The following ERLEC1 variants were observed in gnomAD, a reference collection of about 807,000 sequenced individuals.
The protein encoded by ERLEC1 is endoplasmic reticulum lectin 1, also known as ER lectin.
In ERLEC1, 47 loss-of-function variants were observed where a neutral mutation model predicts 68.0. The observed-to-expected ratio is 0.69, with a 90% CI of 0.55 to 0.88. The LOEUF (loss-of-function observed/expected upper bound fraction) is 0.88, where lower values mean the gene tolerates loss of function less well. Among genes scored for constraint, ERLEC1 ranks in the 40% least tolerant of loss-of-function variants. The pLI, the probability that ERLEC1 is intolerant of heterozygous loss-of-function variation, is 0.00. For missense variants in ERLEC1, 567 were observed against 583.8 expected (o/e 0.97, Z 0.30); for synonymous variants, 225 against 203.2 (o/e 1.11, Z -0.91).
chr2:53,801,278 C>T, intron 6 of ERLEC1, 119 bp from the exon 7 acceptor site: 3 of 642,612 alleles, frequency 4.7e-6, no homozygotes, highest in Non-Finnish European at 7.9e-6. Flanking sequence ...AGAAGTGTTA[C>T]CTTTCAGTTA....
chr2:53,814,692 TA>T, intron 12 of ERLEC1, 72 bp downstream of exon 12: 1 of 1,128,348 alleles, frequency 8.9e-7, no homozygotes, highest in Non-Finnish European at 1.3e-6. Context: ...AAGTTTTATG[TA>T]AACAGTATAA....
In ERLEC1 at chr2:53,802,283, T is replaced by C. The variant is rs555651819; in HGVS notation, c.879+441T>C. The stretch of plus-strand genomic sequence containing the variant: ...CTGGGCATAGCCATATATACATTTT[T>C]AATAATCTCACACTCATCATTTTTT... On this transcript the variant is annotated intron_variant, in intron 8 of 13. Coordinates refer to ENST00000185150, the MANE Select transcript of ERLEC1 (RefSeq NM_015701.5). 2.0e-5 allele frequency among the ~76,000 whole-genome samples: 3 copies of C among 152,334 alleles called. No individual in the cohort carries two copies. The South Asian group carries it at 6.2e-4, about 32-fold the overall frequency.
At chr2:53,815,434 T>A (rs1417064387) in intron 13 of ERLEC1, among the ~76,000 whole-genome samples, 1 of 152,186 alleles carries the variant, frequency 6.6e-6, no homozygotes, top group Non-Finnish European at 1.5e-5. Context: ...TGAGATATAA[T>A]TTACATGAAA....
intron 10 of ERLEC1, among the ~76,000 whole-genome samples, chr2:53,812,240 G>T (rs1281014859): frequency 6.6e-6 from 1 of 152,052 alleles, no homozygotes; most frequent in Non-Finnish European, 1.5e-5. Flanking sequence ...CTACTAACCA[G>T]ATATCTATTA....
intron 1 of ERLEC1, among the ~76,000 whole-genome samples, chr2:53,793,417 G>A (rs1296951013): frequency 6.6e-6 from 1 of 152,056 alleles, no homozygotes; most frequent in Non-Finnish European, 1.5e-5. Flanking sequence ...TATAAATAAG[G>A]TTCTATTAGT....
chr2:53,789,447 T>A (rs1675266902), intron 1 of ERLEC1, among the ~76,000 whole-genome samples: 1 of 148,464 alleles, frequency 6.7e-6, no homozygotes, highest in African/African-American at 2.5e-5. Context: ...GTGCAGTAGG[T>A]ATTTATAGGC....
At chr2:53,797,190 C>T (rs2949812) in intron 3 of ERLEC1, among the ~76,000 whole-genome samples, 1 of 151,990 alleles carries the variant, frequency 6.6e-6, no homozygotes, top group Non-Finnish European at 1.5e-5. Context: ...CCAGTACACC[C>T]GGCCGAGTAT....
chr2:53,816,559 C>T (rs1237463561), intron 13 of ERLEC1, among the ~76,000 whole-genome samples: 1 of 151,856 alleles, frequency 6.6e-6, no homozygotes, highest in East Asian at 1.9e-4. Flanking sequence ...GTGAGCCACC[C>T]GCACCCAGCC....
chr2:53,789,571 T>G (rs1474647319), intron 1 of ERLEC1, among the ~76,000 whole-genome samples: 1 of 152,202 alleles, frequency 6.6e-6, no homozygotes, highest in Non-Finnish European at 1.5e-5. Context: ...TTTTTTTCTT[T>G]AAGTCTGTGC....
rs759611947 is a variant in ERLEC1 at position 53,787,311 on chromosome 2, T to G, written c.101T>G (p.Leu34Arg). ...LLEASGGGRA[L>R]PQLSDDIPFR... is the part of the protein sequence containing the mutation. ...GAGGCGTCCGGCGGCGGCCGAGCCCTTCCTCAACTCAGCGATGACATCCCT... is the reference window on the plus strand; with the variant it reads ...GAGGCGTCCGGCGGCGGCCGAGCCCGTCCTCAACTCAGCGATGACATCCCT... Residue 34 changes from leucine (L) to arginine (R), a missense_variant, in exon 1 of 14, where the codon CTT (leucine) becomes CGT (arginine). By Grantham distance (102) the Leu-to-Arg change is moderately radical. Coordinates refer to ENST00000185150, the MANE Select transcript of ERLEC1 (RefSeq NM_015701.5). 2 of 1,611,162 alleles carry G rather than the reference T, an allele frequency of 1.2e-6. No homozygotes were observed. Among genetic ancestry groups the G allele is most frequent in the South Asian group, 1.1e-5 (1 of 91,068 alleles).
In ERLEC1 at chr2:53,794,332, CT is replaced by C; in HGVS notation, c.163-11del. 7.9e-7 allele frequency: 1 copy of C among 1,266,260 alleles called. No homozygotes were observed. Among genetic ancestry groups the C allele is most frequent in the Non-Finnish European group, 1.1e-6 (1 of 901,222 alleles). The allele number at this position is 1,266,260 out of a possible 1,614,324, so 78.4% of individuals were successfully genotyped here. A position where few individuals can be genotyped will look rare whatever the true frequency, so the allele number is the denominator to read the frequency against. ...ACGGAGAACATAATGTATGTTTTTT[CT>C]TCTATTTGCAGCCCACAACTGGAGT... On this transcript the variant is annotated splice_polypyrimidine_tract_variant and intron_variant, in intron 1 of 13. Transcript: ENST00000185150.
At chr2:53,808,804 A>C (rs1297414365) in intron 9 of ERLEC1, among the ~76,000 whole-genome samples, 3 of 152,210 alleles carry the variant, frequency 2.0e-5, no homozygotes, top group South Asian at 2.1e-4. Context: ...CCCTTTAAAA[A>C]AAAAGTTAGA....
intron 6 of ERLEC1, among the ~76,000 whole-genome samples, chr2:53,800,227 G>A (rs559589519): frequency 1.3e-5 from 2 of 151,968 alleles, no homozygotes; most frequent in African/African-American, 4.8e-5. Context: ...AACCAAGTTC[G>A]CAGTACCATT....
intron 8 of ERLEC1, among the ~76,000 whole-genome samples, chr2:53,807,488 C>T (rs1310080261): frequency 6.6e-6 from 1 of 152,140 alleles, no homozygotes; most frequent in Non-Finnish European, 1.5e-5. Flanking sequence ...TCACTGCAAC[C>T]TCCACCTCCC....
intron 1 of ERLEC1, among the ~76,000 whole-genome samples, chr2:53,789,743 G>A (rs979645204): frequency 1.3e-5 from 2 of 152,118 alleles, no homozygotes; most frequent in Admixed American, 6.5e-5. Flanking sequence ...TACTGGCTGG[G>A]CACAGTGGCT....
rs1675714861 is a variant in ERLEC1 at position 53,796,553 on chromosome 2, A to G, written c.348+540A>G. ...CGATTCACTGCAGCCCCAACGTCCC[A>G]TGCTCAAGCTGTTCTCCCACCTCAG... On this transcript the variant is annotated intron_variant, in intron 3 of 13. Coordinates refer to ENST00000185150, the MANE Select transcript of ERLEC1 (RefSeq NM_015701.5). 2.0e-5 allele frequency among the ~76,000 whole-genome samples: 3 copies of G among 151,958 alleles called. No homozygotes were observed. The South Asian group carries it at 6.3e-4, about 32-fold the overall frequency.
At chr2:53,810,844 G>A (rs1676556028) in intron 10 of ERLEC1, among the ~76,000 whole-genome samples, 1 of 152,116 alleles carries the variant, frequency 6.6e-6, no homozygotes, top group Admixed American at 6.5e-5. Context: ...CTTTGCAGAT[G>A]TTTGTTTTTT....
rs763533606 is a variant in ERLEC1, at chr2:53,818,730, T to C, written c.*761T>C. ...TCCCTTGTACTTGCCTACTGTAATA[T>C]GGATTTCACTTCTGAACAGTTTACA... On this transcript the variant is annotated 3_prime_UTR_variant, in exon 14 of 14. Coordinates refer to ENST00000185150, the MANE Select transcript of ERLEC1 (RefSeq NM_015701.5). 2 of 152,264 alleles carry C rather than the reference T, an allele frequency of 1.3e-5. No individual in the cohort carries two copies. Among genetic ancestry groups the C allele is most frequent in the Non-Finnish European group, 2.9e-5 (2 of 68,046 alleles). 9.4% of individuals were successfully genotyped at this position (152,264 alleles called of 1,614,324 possible).
chr2:53,817,371 G>T lies in ERLEC1; in HGVS notation c.1381-527G>T, dbSNP rs888006190. ...AATGGTCTCGATCTTCTGCCCTCAC[G>T]ATCCGCCCGTCTCGGCCTCCCAGAG... On this transcript the variant is annotated intron_variant, in intron 13 of 13. Coordinates refer to ENST00000185150, the MANE Select transcript of ERLEC1 (RefSeq NM_015701.5). 4.6e-5 allele frequency among the ~76,000 whole-genome samples: 7 copies of T among 151,944 alleles called. No individual in the cohort carries two copies. The South Asian group carries it at 1.0e-3, about 23-fold the overall frequency.
Sources: gnomAD v4.1 joint callset for allele counts (sites outside exome capture counted in the v4.1 genomes callset) on GRCh38, gnomAD v4.1.1 for gene constraint, MANE v1.5 for transcripts, NCBI Gene and HGNC (gene_info 2026-07-23, HGNC 2026-07-21) for gene names.